Variants in NRG2 observed in about 807,000 individuals in gnomAD.
NRG2 encodes the protein neuregulin 2.
NRG2 carries 27 observed loss-of-function variants against 73.9 expected under a neutral mutation model. That is an observed-to-expected ratio of 0.37 (90% CI 0.27 to 0.50). NRG2 has a LOEUF of 0.50. Ranked by LOEUF, NRG2 falls within the 20% of genes least tolerant of loss-of-function variation. The probability of loss-of-function intolerance (pLI) is 0.96; values close to 1 mark genes in which losing one functional copy is unlikely to be tolerated. For missense variants in NRG2, 1,126 were observed against 1,210.1 expected (o/e 0.93, Z 1.03); for synonymous variants, 532 against 541.0 (o/e 0.98, Z 0.23).
rs1356445707 is a variant in NRG2 at position 140,043,223 on chromosome 5, GGCGGCAAGCGGGCCGCGATGCGCA to G, written c.-178_-155del. 1.3e-6 allele frequency: 1 copy of G among 781,648 alleles called. No homozygotes were observed. Among genetic ancestry groups the G allele is most frequent in the Non-Finnish European group, 1.9e-6 (1 of 518,536 alleles). The allele number at this position is 781,648 out of a possible 1,614,324, so 48.4% of individuals were successfully genotyped here. A position where few individuals can be genotyped will look rare whatever the true frequency, so the allele number is the denominator to read the frequency against. On this transcript the variant is annotated 5_prime_UTR_variant, in exon 1 of 10. Coordinates refer to ENST00000361474, the MANE Select transcript of NRG2 (RefSeq NM_004883.3). The surrounding 1 kb of genome is among the most constrained non-coding windows in gnomAD (Gnocchi z 6.7). ...GGTGGCCCAGCTAGGGCAGGGGGCA[GGCGGCAAGCGGGCCGCGATGCGCA>G]GCGCGGCGCAGCGCAGCGCTCCCAC...
chr5:139,989,994 T>A (rs1029516362), intron 1 of NRG2, among the ~76,000 whole-genome samples: 9 of 151,366 alleles, frequency 5.9e-5, no homozygotes, highest in East Asian at 1.9e-4. Context: ...TTCACCATGT[T>A]AGCCAGGATG....
intron 1 of NRG2, among the ~76,000 whole-genome samples, chr5:140,025,489 G>A (rs1322631768): frequency 6.6e-6 from 1 of 152,116 alleles, no homozygotes; most frequent in Non-Finnish European, 1.5e-5. Context: ...CAAGTACCAT[G>A]AAGTTGATCG....
In NRG2 at chr5:139,915,558, C is replaced by A. The variant is rs1751184987; in HGVS notation, c.701-28047G>T. 6.6e-6 allele frequency among the ~76,000 whole-genome samples: 1 copy of A among 152,176 alleles called. No homozygotes were observed. On this transcript the variant is annotated intron_variant, in intron 1 of 9. Coordinates refer to ENST00000361474, the MANE Select transcript of NRG2 (RefSeq NM_004883.3). The surrounding 1 kb of genome is among the most constrained non-coding windows in gnomAD (Gnocchi z 4.0). ...CTGAATTCCTCAGAGGAGATTGCTACCAGGATTTTATTCCCAGTACTGCAC... is the reference window on the plus strand; with the variant it reads ...CTGAATTCCTCAGAGGAGATTGCTAACAGGATTTTATTCCCAGTACTGCAC...
chr5:139,948,818 G>A (rs1477083683), intron 1 of NRG2, among the ~76,000 whole-genome samples: 1 of 152,194 alleles, frequency 6.6e-6, no homozygotes, highest in Non-Finnish European at 1.5e-5. Context: ...TAGTGAGGAT[G>A]AAGAGAACTG....
chr5:139,887,242 TG>T lies in NRG2; in HGVS notation c.872+97del. On this transcript the variant is annotated intron_variant, in intron 2 of 9. Transcript: ENST00000361474. The surrounding 1 kb of genome is among the most constrained non-coding windows in gnomAD (Gnocchi z 4.5). ...CTGGGACTGGTTCCATGGGTGAGTC[TG>T]GGGGCACAGCCCTGGCCTCTGCCCA... 1.4e-6 allele frequency: 2 copies of T among 1,414,538 alleles called. No homozygotes were observed. The highest frequency in any genetic ancestry group is 2.0e-6 in the Non-Finnish European group (2 of 1,017,990). The allele number at this position is 1,414,538 out of a possible 1,614,324, so 87.6% of individuals were successfully genotyped here. A position where few individuals can be genotyped will look rare whatever the true frequency, so the allele number is the denominator to read the frequency against.
chr5:139,919,084 A>AC (rs1283611826), intron 1 of NRG2, among the ~76,000 whole-genome samples: 2 of 152,112 alleles, frequency 1.3e-5, no homozygotes, highest in Admixed American at 6.6e-5. Flanking sequence ...TGAAATGATT[A>AC]CCCTCCCAAA....
chr5:140,034,648 A>AT (rs1693184760), intron 1 of NRG2, among the ~76,000 whole-genome samples: 1 of 152,198 alleles, frequency 6.6e-6, no homozygotes, highest in South Asian at 2.1e-4. Flanking sequence ...AGGTCACAAC[A>AT]TACAAAGTCA....
intron 2 of NRG2, among the ~76,000 whole-genome samples, chr5:139,885,397 A>G (rs1297590065): frequency 6.6e-6 from 1 of 152,196 alleles, no homozygotes; most frequent in Admixed American, 6.5e-5. Flanking sequence ...AAGTGCAAAG[A>G]TAACTGCGGT....
rs1751940961 is a variant in NRG2 at position 139,924,922 on chromosome 5, GA to G, written c.701-37412del. ...ACATTTTTGGAATGGGGTCAAGGTA[GA>G]AGAGTGAAAATGACACAGGTGTGGG... On this transcript the variant is annotated intron_variant, in intron 1 of 9. Transcript: ENST00000361474. Among the ~76,000 whole-genome samples, 3 of 152,310 alleles carry G rather than the reference GA, an allele frequency of 2.0e-5. No homozygotes were observed. The South Asian group carries it at 6.2e-4, about 32-fold the overall frequency.
At chr5:139,992,808 T>C (rs902722273) in intron 1 of NRG2, among the ~76,000 whole-genome samples, 3 of 152,098 alleles carry the variant, frequency 2.0e-5, no homozygotes, top group African/African-American at 7.2e-5. Context: ...TATGAGCCCC[T>C]CCTTCCTTCT....
intron 1 of NRG2, among the ~76,000 whole-genome samples, chr5:139,963,000 CT>C (rs1272260418): frequency 2.6e-5 from 4 of 152,244 alleles, no homozygotes; most frequent in African/African-American, 9.6e-5. Flanking sequence ...GATTGACCTT[CT>C]CCAGGTTAGG....
intron 1 of NRG2, among the ~76,000 whole-genome samples, chr5:139,944,633 C>T (rs905204468): frequency 8.3e-4 from 126 of 152,186 alleles, no homozygotes; most frequent in African/African-American, 2.9e-3. Context: ...TGTGTATGTA[C>T]CCCATTTTCT....
intron 1 of NRG2, among the ~76,000 whole-genome samples, chr5:140,009,498 A>G (rs536397288): frequency 1.1e-3 from 174 of 152,304 alleles, no homozygotes; most frequent in African/African-American, 4.0e-3. Context: ...TAAGTTTCCA[A>G]CTCCTTTGGG....
intron 1 of NRG2, among the ~76,000 whole-genome samples, chr5:139,896,636 CCTT>C (rs1764557883): frequency 6.6e-6 from 1 of 152,182 alleles, no homozygotes; most frequent in Admixed American, 6.5e-5. Context: ...CAAGATTGCT[CCTT>C]CTCCTGGATT....
intron 5 of NRG2, among the ~76,000 whole-genome samples, chr5:139,862,820 G>A (rs1342145475): frequency 6.6e-6 from 1 of 152,238 alleles, no homozygotes; most frequent in Admixed American, 6.5e-5. Context: ...TTTTACATGG[G>A]GACATAAAGA....
rs1757875147 is a variant in NRG2, at chr5:139,994,399, CCTGGAACA to C, written c.700+47963_700+47970del. ...TCCTCTAGAATCTACCAGTGGCTTA[CCTGGAACA>C]CTGGTGCTTAGTGAAGGCTAGTGGA... On this transcript the variant is annotated intron_variant, in intron 1 of 9. Transcript: ENST00000361474. 2.0e-5 allele frequency among the ~76,000 whole-genome samples: 3 copies of C among 152,162 alleles called. No homozygotes were observed. The South Asian group carries it at 6.2e-4, about 32-fold the overall frequency.
intron 1 of NRG2, among the ~76,000 whole-genome samples, chr5:139,978,682 G>A (rs1209828892): frequency 6.6e-6 from 1 of 152,140 alleles, no homozygotes; most frequent in Non-Finnish European, 1.5e-5. Context: ...TTATAAACAT[G>A]CACATGTATG....
At chr5:140,024,383 T>G (rs1194982865) in intron 1 of NRG2, among the ~76,000 whole-genome samples, 1 of 151,378 alleles carries the variant, frequency 6.6e-6, no homozygotes, top group African/African-American at 2.4e-5. Context: ...GCCTCCAGAG[T>G]AGCTGGGACT....
At chr5:139,849,952 C>T (rs1278240789) in intron 9 of NRG2, among the ~76,000 whole-genome samples, 1 of 152,234 alleles carries the variant, frequency 6.6e-6, no homozygotes, top group African/African-American at 2.4e-5. Flanking sequence ...GTCTGTCTGG[C>T]CTCAGCTTGC....
Sources: allele counts gnomAD v4.1 joint callset (sites outside exome capture counted in the v4.1 genomes callset), GRCh38; gene constraint gnomAD v4.1.1; non-coding constraint Gnocchi (gnomAD v3.1); transcripts MANE v1.5; gene names NCBI Gene and HGNC (gene_info 2026-07-23, HGNC 2026-07-21).